Variants in MALT1 observed in about 807,000 individuals in gnomAD.
The protein encoded by MALT1 is MALT1 paracaspase, also known as mucosa-associated lymphoid tissue lymphoma translocation protein 1.
A neutral mutation model predicts 85.5 loss-of-function variants in MALT1; 36 were observed. The observed-to-expected ratio is 0.42, with a 90% CI of 0.32 to 0.56. MALT1 has a LOEUF of 0.56. Ranked by LOEUF, MALT1 falls within the 20% of genes least tolerant of loss-of-function variation. MALT1 has a pLI of 0.10. For synonymous variants in MALT1, 359 were observed against 361.3 expected (o/e 0.99, Z 0.07); for missense variants, 716 against 981.6 (o/e 0.73, Z 3.62).
At chr18:58,739,895 A>T (rs1431085092) in intron 13 of MALT1, among the ~76,000 whole-genome samples, 1 of 152,224 alleles carries the variant, frequency 6.6e-6, no homozygotes, top group Non-Finnish European at 1.5e-5. Context: ...AATACAGAAG[A>T]AGTACACCCT....
chr18:58,726,210 A>G (rs1174139329), intron 10 of MALT1, among the ~76,000 whole-genome samples: 1 of 152,240 alleles, frequency 6.6e-6, no homozygotes, highest in Non-Finnish European at 1.5e-5. Flanking sequence ...ATGTTAAAGC[A>G]AAATGTCAGC....
intron 2 of MALT1, among the ~76,000 whole-genome samples, chr18:58,686,132 T>C (rs2054398698): frequency 6.7e-6 from 1 of 149,748 alleles, no homozygotes; most frequent in Non-Finnish European, 1.5e-5. Flanking sequence ...GTTCAAGCGA[T>C]TCTTCTGCCT....
At chr18:58,696,863 G>A (rs2054598000) in intron 3 of MALT1, among the ~76,000 whole-genome samples, 1 of 152,150 alleles carries the variant, frequency 6.6e-6, no homozygotes, top group Admixed American at 6.6e-5. Context: ...AAGTTAATGT[G>A]CTATTCTTTT....
In MALT1 at chr18:58,747,523, G is replaced by A. The variant is rs1201771579; in HGVS notation, c.2156G>A (p.Arg719Gln). The A allele has an allele frequency of 1.1e-5, 17 of 1,614,016 alleles. No individual in the cohort carries two copies. Among genetic ancestry groups the A allele is most frequent in the Non-Finnish European group, 1.4e-5 (16 of 1,180,022 alleles). ...KPLIAKLDMHRGLGRKTCFQT... is the reference protein window; with the variant it reads ...KPLIAKLDMHQGLGRKTCFQT... ...CTCATTGCTAAATTAGACATGCATCGAGGTTTGGGAAGGAAGACTTGCTTT... is the reference window on the plus strand; with the variant it reads ...CTCATTGCTAAATTAGACATGCATCAAGGTTTGGGAAGGAAGACTTGCTTT... The change falls in exon 17 of 17, where the codon CGA becomes CAA. Residue 719 changes from arginine to glutamine, a missense_variant. Around this residue, in one of 4 missense-constraint regions of MALT1, gnomAD observed 260 missense variants for 323.7 expected, o/e 0.80. Transcript: ENST00000649217.
intron 9 of MALT1, among the ~76,000 whole-genome samples, chr18:58,717,210 A>G (rs1042418982): frequency 6.6e-6 from 1 of 152,142 alleles, no homozygotes; most frequent in Admixed American, 6.5e-5. Context: ...TAAAAATACA[A>G]AAATTAGCTG....
At chr18:58,672,053 G>GGGCTCT (rs796640136) in intron 1 of MALT1, among the ~76,000 whole-genome samples, 10 of 152,324 alleles carry the variant, frequency 6.6e-5, no homozygotes, top group African/African-American at 2.4e-4. Context: ...GCGGGGCCCA[G>GGGCTCT]GGCTCTGGAG....
chr18:58,693,605 C>T lies in MALT1; in HGVS notation c.377-2761C>T, dbSNP rs148231949. On this transcript the variant is annotated intron_variant, in intron 2 of 16. Coordinates refer to ENST00000649217, the MANE Select transcript of MALT1 (RefSeq NM_006785.4). ...GGGGCCAATGCAGCTGACAACTTTA[C>T]GTTGAAGCCAGTGCCCATTTACCAT... Among the ~76,000 whole-genome samples, 405 of 152,286 alleles carry T rather than the reference C, an allele frequency of 2.7e-3. 6 individuals carry two copies. Among genetic ancestry groups the T allele is most frequent in the South Asian group, 0.021 (103 of 4,832 alleles).
chr18:58,721,152 G>A (rs1251031035), intron 9 of MALT1, among the ~76,000 whole-genome samples: 1 of 152,184 alleles, frequency 6.6e-6, no homozygotes, highest in African/African-American at 2.4e-5. Context: ...GGCCGAGGTG[G>A]GCAGATCACC....
intron 2 of MALT1, among the ~76,000 whole-genome samples, chr18:58,693,118 C>G (rs1406827857): frequency 2.0e-5 from 3 of 152,196 alleles, no homozygotes; most frequent in African/African-American, 7.2e-5. Context: ...TCCAGAAGAT[C>G]TAGCTAATGC....
intron 10 of MALT1, among the ~76,000 whole-genome samples, chr18:58,728,375 G>A (rs1416962994): frequency 1.3e-5 from 2 of 150,274 alleles, no homozygotes; most frequent in Non-Finnish European, 2.9e-5. Flanking sequence ...AAGCTAAGGT[G>A]GGAGGGTTGC....
chr18:58,742,579 G>C, intron 14 of MALT1, among the ~76,000 whole-genome samples: 1 of 152,162 alleles, frequency 6.6e-6, no homozygotes, highest in East Asian at 1.9e-4. Flanking sequence ...GTGGTGGCAC[G>C]TGCCTGTAAT....
intron 14 of MALT1, among the ~76,000 whole-genome samples, chr18:58,742,439 G>A (rs1483014349): frequency 6.6e-6 from 1 of 152,136 alleles, no homozygotes; most frequent in Non-Finnish European, 1.5e-5. Context: ...GGGTGTGGTC[G>A]CTCACGCCTG....
intron 11 of MALT1, chr18:58,733,852 C>G (rs2055188145): frequency 1.7e-6 from 2 of 1,195,832 alleles, no homozygotes; most frequent in East Asian, 8.7e-5. Context: ...CTTTAGATGA[C>G]TTTAATAATC....
Position 58,702,505 on chromosome 18 carries a change from C to G in MALT1, c.649+1914C>G, listed in dbSNP as rs989596284. 3.3e-5 allele frequency among the ~76,000 whole-genome samples: 5 copies of G among 152,292 alleles called. No individual in the cohort carries two copies. The South Asian group carries it at 1.0e-3, about 32-fold the overall frequency. ...TAAAAAGTAGATCAGTAGATAAGCA[C>G]ATAGCATTTGAGACCTGATAGTCTT... On this transcript the variant is annotated intron_variant, in intron 4 of 16. Coordinates refer to ENST00000649217, the MANE Select transcript of MALT1 (RefSeq NM_006785.4).
At chr18:58,681,485 G>T in intron 2 of MALT1, 149 bp downstream of exon 2, 1 of 659,160 alleles carries the variant, frequency 1.5e-6, no homozygotes, top group Non-Finnish European at 2.4e-6. Flanking sequence ...TGAAGCAAAT[G>T]CAATGCATGA....
intron 13 of MALT1, 64 bp from the exon 14 acceptor site, chr18:58,741,801 C>A: frequency 1.0e-6 from 1 of 1,003,606 alleles, no homozygotes; most frequent in Non-Finnish European, 1.4e-6. Context: ...TAGTTCTTAG[C>A]CTAAATATTT....
intron 9 of MALT1, 131 bp downstream of exon 9, chr18:58,716,098 G>A (rs769955652): frequency 4.5e-6 from 3 of 670,210 alleles, no homozygotes; most frequent in South Asian, 2.0e-5. Context: ...TTATTTTTTT[G>A]TATCTGTAAA....
At chr18:58,687,259 G>A (rs1006318151) in intron 2 of MALT1, among the ~76,000 whole-genome samples, 3 of 152,154 alleles carry the variant, frequency 2.0e-5, no homozygotes, top group African/African-American at 7.2e-5. Flanking sequence ...ATAAGTAGAG[G>A]GAGAGAAAGG....
chr18:58,703,263 A>G (rs1484824085), intron 4 of MALT1, among the ~76,000 whole-genome samples: 1 of 152,128 alleles, frequency 6.6e-6, no homozygotes, highest in Non-Finnish European at 1.5e-5. Flanking sequence ...AGGCTGAGGC[A>G]GTAGAATCGC....
Sources: gnomAD v4.1 joint callset for allele counts (sites outside exome capture counted in the v4.1 genomes callset) on GRCh38, gnomAD v4.1.1 for gene constraint, gnomAD v4.1.1 regional missense constraint, MANE v1.5 for transcripts, NCBI Gene and HGNC (gene_info 2026-07-23, HGNC 2026-07-21) for gene names.